Variants in OPCML observed in about 807,000 individuals in gnomAD.
OPCML encodes the protein opioid binding protein/cell adhesion molecule like, also known as opioid-binding protein/cell adhesion molecule.
A neutral mutation model predicts 37.8 loss-of-function variants in OPCML; 13 were observed. The observed-to-expected ratio is 0.34, with a 90% confidence interval of 0.22 to 0.55. The LOEUF (loss-of-function observed/expected upper bound fraction) is 0.55. OPCML is among the 20% of genes least tolerant of loss of function. The probability of loss-of-function intolerance (pLI) is 0.91; values close to 1 mark genes in which losing one functional copy is unlikely to be tolerated. For missense variants in OPCML, 341 were observed against 435.6 expected, an observed-to-expected ratio of 0.78 and a Z score of 1.93; for synonymous variants, 176 against 168.8, an observed-to-expected ratio of 1.04 and a Z score of -0.33.
At chr11:132,862,984 G>A (rs543415256) in intron 2 of OPCML, among the ~76,000 whole-genome samples, 1 of 152,298 alleles carries the variant, frequency 6.6e-6, no homozygotes, top group East Asian at 1.9e-4. Flanking sequence ...TTTGCTTTAA[G>A]GAAACTACTC....
At chr11:132,842,427 A>G (rs1941336971) in intron 2 of OPCML, among the ~76,000 whole-genome samples, 1 of 152,206 alleles carries the variant, frequency 6.6e-6, no homozygotes, top group South Asian at 2.1e-4. Context: ...CAATATTCGC[A>G]GTAGCTTAAG....
chr11:132,787,163 C>G (rs1337394794), intron 2 of OPCML, among the ~76,000 whole-genome samples: 1 of 152,132 alleles, frequency 6.6e-6, no homozygotes, highest in Admixed American at 6.5e-5. Context: ...AAATAAACCT[C>G]AAATATGTCC....
chr11:133,081,252 G>A (rs1412514971), intron 1 of OPCML, among the ~76,000 whole-genome samples: 1 of 152,098 alleles, frequency 6.6e-6, no homozygotes, highest in Non-Finnish European at 1.5e-5. Context: ...TCTTTGAACA[G>A]TTAATTCTCC....
intron 4 of OPCML, among the ~76,000 whole-genome samples, chr11:132,491,012 T>G (rs558836131): frequency 6.6e-6 from 1 of 152,244 alleles, no homozygotes; most frequent in South Asian, 2.1e-4. Context: ...GAGTCCTCTC[T>G]TTCTCTCACA....
chr11:132,998,311 A>G (rs1390253524), intron 1 of OPCML, among the ~76,000 whole-genome samples: 3 of 152,150 alleles, frequency 2.0e-5, no homozygotes, highest in Non-Finnish European at 2.9e-5. Flanking sequence ...AGTGGCTTAC[A>G]TGTGTAAGTC....
At chr11:132,769,448 A>G (rs1946566446) in intron 2 of OPCML, among the ~76,000 whole-genome samples, 1 of 152,186 alleles carries the variant, frequency 6.6e-6, no homozygotes, top group Non-Finnish European at 1.5e-5. Context: ...ACTGAACTCC[A>G]GAACCACACT....
At chr11:132,575,233 G>A (rs923716350) in intron 3 of OPCML, among the ~76,000 whole-genome samples, 7 of 151,852 alleles carry the variant, frequency 4.6e-5, no homozygotes, top group African/African-American at 9.7e-5. Context: ...CACTCAATGC[G>A]TTTTGATTAA....
intron 1 of OPCML, among the ~76,000 whole-genome samples, chr11:133,185,263 G>C (rs1475831114): frequency 6.6e-6 from 1 of 152,168 alleles, no homozygotes; most frequent in African/African-American, 2.4e-5. Flanking sequence ...ATCATTGTCG[G>C]AGCCCATTTA....
chr11:132,588,134 C>CA, intron 3 of OPCML, among the ~76,000 whole-genome samples: 1 of 152,196 alleles, frequency 6.6e-6, no homozygotes, highest in Non-Finnish European at 1.5e-5. Context: ...TTCTGATCAC[C>CA]AGGATCAGAA....
chr11:133,488,503 C>G (rs573028346), intron 1 of OPCML, among the ~76,000 whole-genome samples: 1 of 151,940 alleles, frequency 6.6e-6, no homozygotes, highest in Non-Finnish European at 1.5e-5. Flanking sequence ...ACCCCATTTA[C>G]AACAGCTAAA....
intron 1 of OPCML, among the ~76,000 whole-genome samples, chr11:133,269,563 TG>T (rs368948616): frequency 1.8e-4 from 27 of 152,194 alleles, no homozygotes; most frequent in Non-Finnish European, 1.6e-4. Context: ...TTATTACTCA[TG>T]TTTTTTCTTT....
intron 1 of OPCML, chr11:133,439,470 G>GT (rs909380882): frequency 1.5e-4 from 146 of 981,778 alleles, no homozygotes; most frequent in Admixed American, 6.2e-4. Context: ...CTTTGTTTTT[G>GT]TTTTTTTTCT....
chr11:132,851,846 G>A (rs887694641), intron 2 of OPCML, among the ~76,000 whole-genome samples: 4 of 152,136 alleles, frequency 2.6e-5, no homozygotes, highest in African/African-American at 4.8e-5. Context: ...TTTATGTAAC[G>A]CCTGTTCACA....
intron 1 of OPCML, among the ~76,000 whole-genome samples, chr11:133,089,934 A>C (rs1278661669): frequency 6.6e-6 from 1 of 152,244 alleles, no homozygotes; most frequent in Non-Finnish European, 1.5e-5. Context: ...AATGGTGAGC[A>C]AAAGTTAACA....
intron 1 of OPCML, among the ~76,000 whole-genome samples, chr11:132,994,912 G>C (rs1946853844): frequency 6.6e-6 from 1 of 152,186 alleles, no homozygotes; most frequent in South Asian, 2.1e-4. Context: ...ACCCCTAGGA[G>C]TTGAATACTG....
intron 7 of OPCML, among the ~76,000 whole-genome samples, chr11:132,424,194 A>C (rs2095970006): frequency 6.6e-6 from 1 of 150,794 alleles, no homozygotes; most frequent in Admixed American, 6.6e-5. Flanking sequence ...ATCTCGGCTC[A>C]CTGCAAGCTC....
intron 1 of OPCML, among the ~76,000 whole-genome samples, chr11:132,978,534 C>T (rs1334270965): frequency 6.6e-6 from 1 of 152,158 alleles, no homozygotes; most frequent in East Asian, 1.9e-4. Context: ...CTTTAAACCA[C>T]TCATGTGAAT....
intron 1 of OPCML, among the ~76,000 whole-genome samples, chr11:133,219,940 C>T (rs1939746976): frequency 6.6e-6 from 1 of 152,218 alleles, no homozygotes; most frequent in Admixed American, 6.5e-5. Flanking sequence ...AGAAACTGCT[C>T]ACTGCTCATG....
chr11:132,516,414 C>T lies in OPCML; in HGVS notation c.505+12647G>A, dbSNP rs542767937. 3.3e-5 allele frequency among the ~76,000 whole-genome samples: 5 copies of T among 152,056 alleles called. No homozygotes were observed. In the South Asian group the frequency reaches 1.0e-3, roughly 32 times the overall value. On this transcript the variant is annotated intron_variant, in intron 4 of 7. Transcript: ENST00000524381. ...CTTTGCAAATCTCCACTGTCTTCCC[C>T]TTTTTTTTCTCTGGCACGCTACAGG...
Sources: gnomAD v4.1 joint callset for allele counts (sites outside exome capture counted in the v4.1 genomes callset) on GRCh38, gnomAD v4.1.1 for gene constraint, MANE v1.5 for transcripts, NCBI Gene and HGNC (gene_info 2026-07-23, HGNC 2026-07-21) for gene names.